MYH13: variants seen among roughly 807,000 people sequenced by gnomAD.
MYH13 encodes the protein myosin-13.
MYH13 carries 177 observed loss-of-function variants against 232.1 expected under a neutral mutation model. The ratio of observed to expected loss-of-function variants is 0.76; its 90% CI spans 0.67 to 0.86. The LOEUF (loss-of-function observed/expected upper bound fraction) is 0.86. Among genes scored for constraint, MYH13 ranks in the 40% least tolerant of loss-of-function variants. The pLI is 0.00. For synonymous variants in MYH13, 884 were observed against 923.5 expected (o/e 0.96, Z 0.78); for missense variants, 2,246 against 2,405.9 (o/e 0.93, Z 1.39).
rs2190729 is a variant in MYH13, at chr17:10,333,147, C to T, written c.2101G>A (p.Gly701Arg). The T allele has an allele frequency of 0.016, 25,130 of 1,551,856 alleles. 277 individuals are homozygous for T. Among genetic ancestry groups the T allele is most frequent in the Middle Eastern group, 0.026 (157 of 5,990 alleles). ...YLVMHQLRCN[G>R]VLEGIRICRK... is the part of the protein sequence containing the mutation. Reference sequence around the variant, plus strand: ...CAAATCCGGATGCCCTCGAGGACCCCGTTACAGCGCAGCTGGTGCATGACC... The same window carrying T: ...CAAATCCGGATGCCCTCGAGGACCCTGTTACAGCGCAGCTGGTGCATGACC... Residue 701 changes from glycine to arginine, a missense_variant, in exon 19 of 41, where the codon GGG (glycine) becomes AGG (arginine). Transcript: ENST00000252172.
At position 10,309,219 on chromosome 17, in the gene MYH13, T is replaced by C. The variant is rs1213111857; in HGVS notation, c.5169+15A>G. Reference sequence around the variant, plus strand: ...CCAGGGTGGACCTTCAGCGGAGGAGTGAGGGCCGACGCACCTGGGAGTGCA... The same window carrying C: ...CCAGGGTGGACCTTCAGCGGAGGAGCGAGGGCCGACGCACCTGGGAGTGCA... On this transcript the variant is annotated intron_variant, in intron 35 of 40. Transcript: ENST00000252172. 3 of 1,609,902 alleles carry C rather than the reference T, an allele frequency of 1.9e-6. No homozygotes were observed. The highest frequency in any genetic ancestry group is 2.5e-6 in the Non-Finnish European group (3 of 1,178,740).
chr17:10,360,692 AC>A (rs1485948311), intron 5 of MYH13, among the ~76,000 whole-genome samples: 1 of 152,170 alleles, frequency 6.6e-6, no homozygotes, highest in Non-Finnish European at 1.5e-5. Context: ...TGAATTTCTA[AC>A]CCCTAGTACC....
At chr17:10,307,375 T>C (rs555987810) in intron 35 of MYH13, among the ~76,000 whole-genome samples, 2 of 152,304 alleles carry the variant, frequency 1.3e-5, no homozygotes, top group East Asian at 3.9e-4. Flanking sequence ...AGACATACTA[T>C]ATGAAATGAA....
At chr17:10,352,611 C>CA (rs1342609008) in intron 11 of MYH13, among the ~76,000 whole-genome samples, 2 of 151,414 alleles carry the variant, frequency 1.3e-5, no homozygotes, top group African/African-American at 2.4e-5. Flanking sequence ...AACAAAAAAC[C>CA]AAAAAAAGGC....
rs544487624 is a variant in MYH13, at chr17:10,359,944, A to G, written c.645+16T>C. 5.0e-6 allele frequency: 8 copies of G among 1,596,374 alleles called. No homozygotes were observed. In the African/African-American group the frequency reaches 9.4e-5, roughly 19 times the overall value. On this transcript the variant is annotated intron_variant, in intron 7 of 40. Coordinates refer to ENST00000252172, the MANE Select transcript of MYH13 (RefSeq NM_003802.3). ...CTTATTCCAGTAAGCCTCCGGATGCAGGTGGGGCTGCTCACCTGCATTTTG... is the reference window on the plus strand; with the variant it reads ...CTTATTCCAGTAAGCCTCCGGATGCGGGTGGGGCTGCTCACCTGCATTTTG...
intron 7 of MYH13, among the ~76,000 whole-genome samples, chr17:10,359,428 C>A (rs552986905): frequency 6.6e-6 from 1 of 152,348 alleles, no homozygotes; most frequent in South Asian, 2.1e-4. Flanking sequence ...GCCCCTCCCC[C>A]ATACCTTGCC....
chr17:10,319,012 C>T lies in MYH13; in HGVS notation c.3516G>A (p.Glu1172=), dbSNP rs1293266479. ...CCCTGCGCATTTTCTGGAACTCAGC[C>T]TCCCTCTTCTTGTTCATCTCAATCT... ...SAQIEMNKKR[E]AEFQKMRRDL... The change falls in exon 27 of 41, where the codon GAG becomes GAA. Residue 1172 remains glutamate (E), a synonymous_variant. Transcript: ENST00000252172. The T allele has an allele frequency of 1.2e-6, 2 of 1,614,136 alleles. No homozygotes were observed. The highest frequency in any genetic ancestry group is 2.2e-5 in the East Asian group (1 of 44,872).
At chr17:10,329,123 C>T (rs564752617) in intron 21 of MYH13, among the ~76,000 whole-genome samples, 7 of 152,238 alleles carry the variant, frequency 4.6e-5, no homozygotes, top group Admixed American at 1.3e-4. Flanking sequence ...TTTTCATCTC[C>T]GTGCTGGCTT....
rs1452718844 is a variant in MYH13 at position 10,332,088 on chromosome 17, C to T, written c.2298+11G>A. ...GGTTACTAGGGGAGTCCCAGCCTTG[C>T]CTGTGCTCACCTTGGTGTTGCCGAA... On this transcript the variant is annotated intron_variant, in intron 20 of 40. Transcript: ENST00000252172. The T allele has an allele frequency of 6.2e-7, 1 of 1,613,514 alleles. No homozygotes were observed. Among genetic ancestry groups the T allele is most frequent in the Non-Finnish European group, 8.5e-7 (1 of 1,179,782 alleles).
intron 7 of MYH13, 32 bp from the exon 8 acceptor site, chr17:10,357,859 C>A: frequency 6.3e-7 from 1 of 1,592,244 alleles, no homozygotes; most frequent in Non-Finnish European, 8.6e-7. Context: ...AAAAAGAGGA[C>A]TTTGGATGGT....
Position 10,345,213 on chromosome 17 carries a change from G to A in MYH13, c.1573C>T (p.Leu525Phe). 6.2e-7 allele frequency: 1 copy of A among 1,614,108 alleles called. No individual in the cohort carries two copies. The highest frequency in any genetic ancestry group is 8.5e-7 in the Non-Finnish European group (1 of 1,179,986). The change falls in exon 15 of 41, where the codon CTC becomes TTC. Residue 525 changes from leucine to phenylalanine, a missense_variant. Coordinates refer to ENST00000252172, the MANE Select transcript of MYH13 (RefSeq NM_003802.3). ...CAGTATCTCTCTACCTTCTCGATGAGCTCGATGCAGGCAGCCAGGTCCATT... is the reference window on the plus strand; with the variant it reads ...CAGTATCTCTCTACCTTCTCGATGAACTCGATGCAGGCAGCCAGGTCCATT... ...FGMDLAACIE[L>F]IEKPMGIFSI... is the part of the protein sequence containing the mutation.
chr17:10,303,918 A>T (rs1476167278), intron 37 of MYH13, among the ~76,000 whole-genome samples: 1 of 152,240 alleles, frequency 6.6e-6, no homozygotes, highest in African/African-American at 2.4e-5. Context: ...TGGCACATAT[A>T]CATCATGGAA....
At chr17:10,328,226 G>A (rs1907286635) in intron 21 of MYH13, 105 bp from the exon 22 acceptor site, 2 of 1,367,906 alleles carry the variant, frequency 1.5e-6, no homozygotes, top group Admixed American at 2.4e-5. Flanking sequence ...TCGGTTAGGT[G>A]GGAAGGAGGT....
intron 2 of MYH13, among the ~76,000 whole-genome samples, chr17:10,369,144 A>T (rs942607941): frequency 1.3e-5 from 2 of 150,190 alleles, no homozygotes; most frequent in Non-Finnish European, 3.0e-5. Context: ...TTTGCCATCA[A>T]TTATAACTTC....
intron 35 of MYH13, among the ~76,000 whole-genome samples, chr17:10,307,425 G>A (rs1433790308): frequency 2.0e-5 from 3 of 152,158 alleles, no homozygotes; most frequent in Non-Finnish European, 4.4e-5. Context: ...AAATAGAATT[G>A]TAAGGGGTGA....
At position 10,311,940 on chromosome 17, in the gene MYH13, G is replaced by T; in HGVS notation, c.4502C>A (p.Thr1501Lys). 6.2e-7 allele frequency: 1 copy of T among 1,613,978 alleles called. No homozygotes were observed. The highest frequency in any genetic ancestry group is 2.2e-5 in the East Asian group (1 of 44,868). ...CAGATTTTTGTTCTCTCGCCTCAGT[G>T]TCTCTAACTGGTCCACCACCTCCTC... ...AYEEVVDQLETLRRENKNLQE... is the reference protein window; with the variant it reads ...AYEEVVDQLEKLRRENKNLQE... The change falls in exon 32 of 41, where the codon ACA becomes AAA. Residue 1501 changes from threonine to lysine, a missense_variant. Transcript: ENST00000252172.
chr17:10,309,949 T>A (rs1906447818), intron 33 of MYH13, 119 bp from the exon 34 acceptor site: 8 of 820,902 alleles, frequency 9.7e-6, no homozygotes, highest in Non-Finnish European at 1.4e-5. Flanking sequence ...AATTTAAATT[T>A]TTTTTTTTTT....
intron 11 of MYH13, among the ~76,000 whole-genome samples, chr17:10,351,152 C>A (rs547147306): frequency 7.3e-6 from 1 of 136,180 alleles, no homozygotes; most frequent in Admixed American, 8.6e-5. Flanking sequence ...ACCTGGGAGG[C>A]GGAGGTTGGA....
intron 2 of MYH13, among the ~76,000 whole-genome samples, chr17:10,366,382 T>TTTTTTTTTTTTTG (rs2071837950): frequency 9.7e-6 from 1 of 103,522 alleles, no homozygotes; most frequent in Non-Finnish European, 2.1e-5. Context: ...AATAAATCTG[T>TTTTTTTTTTTTTG]TTTTTTTTTT....
Sources: allele counts gnomAD v4.1 joint callset (sites outside exome capture counted in the v4.1 genomes callset), GRCh38; gene constraint gnomAD v4.1.1; transcripts MANE v1.5; gene names NCBI Gene and HGNC (gene_info 2026-07-23, HGNC 2026-07-21).